ALCAM: variants seen among roughly 807,000 people sequenced by gnomAD.
ALCAM encodes activated leukocyte cell adhesion molecule.
A neutral mutation model predicts 70.9 loss-of-function variants in ALCAM; 30 were observed. The observed-to-expected ratio is 0.42, with a 90% CI of 0.32 to 0.57. The LOEUF (loss-of-function observed/expected upper bound fraction) is 0.57. ALCAM is among the 20% of genes least tolerant of loss of function. ALCAM has a pLI of 0.11. For synonymous variants in ALCAM, 249 were observed against 242.5 expected (o/e 1.03, Z -0.25); for missense variants, 591 against 695.1 (o/e 0.85, Z 1.68).
At chr3:105,551,304 T>A (rs1940399413) in intron 12 of ALCAM, among the ~76,000 whole-genome samples, 1 of 151,636 alleles carries the variant, frequency 6.6e-6, no homozygotes, top group Non-Finnish European at 1.5e-5. Flanking sequence ...GAACCTACCC[T>A]TTCTTCCTGA....
intron 14 of ALCAM, 62 bp downstream of exon 14, chr3:105,552,647 G>T (rs1559654216): frequency 6.2e-7 from 1 of 1,607,904 alleles, no homozygotes; most frequent in Admixed American, 1.7e-5. Context: ...AATACAATGT[G>T]CTAATTTTGC....
chr3:105,489,170 T>C (rs528525751), intron 1 of ALCAM, among the ~76,000 whole-genome samples: 83 of 152,290 alleles, frequency 5.5e-4, no homozygotes, highest in African/African-American at 1.9e-3. Flanking sequence ...AGTTTTCTGT[T>C]GGAGAGTGTT....
At chr3:105,507,633 A>G (rs1406063816) in intron 1 of ALCAM, among the ~76,000 whole-genome samples, 3 of 151,836 alleles carry the variant, frequency 2.0e-5, no homozygotes, top group Admixed American at 1.3e-4. Flanking sequence ...ATAATATTTC[A>G]TTGTCTGGAT....
At chr3:105,539,608 G>A (rs3772551) in intron 6 of ALCAM, among the ~76,000 whole-genome samples, 23,148 of 151,860 alleles carry the variant, frequency 0.15, 1,910 homozygotes, top group Admixed American at 0.27. Flanking sequence ...GCTGATTTTT[G>A]TCCTTCCAAA....
At chr3:105,453,959 A>G (rs775163145) in intron 1 of ALCAM, among the ~76,000 whole-genome samples, 1 of 152,196 alleles carries the variant, frequency 6.6e-6, no homozygotes, top group African/African-American at 2.4e-5. Context: ...TTGTGTCCTC[A>G]GGATACAGCT....
chr3:105,472,324 C>T (rs1559803102), intron 1 of ALCAM, among the ~76,000 whole-genome samples: 1 of 151,426 alleles, frequency 6.6e-6, no homozygotes, highest in Non-Finnish European at 1.5e-5. Context: ...ATTCATTTCC[C>T]TAATTGCTTC....
In ALCAM at chr3:105,534,611, T is replaced by C. The variant is rs1939923023; in HGVS notation, c.548-52T>C. Reference sequence around the variant, plus strand: ...AGGTGTGGTGCTGTTTCGTTAAGGATTGTGATTGTCAGATGAAAGACCCTA... The same window carrying C: ...AGGTGTGGTGCTGTTTCGTTAAGGACTGTGATTGTCAGATGAAAGACCCTA... On this transcript the variant is annotated intron_variant, in intron 5 of 15. Coordinates refer to ENST00000306107, the MANE Select transcript of ALCAM (RefSeq NM_001627.4). 4 of 1,543,926 alleles carry C rather than the reference T, an allele frequency of 2.6e-6. No individual in the cohort carries two copies. The East Asian group carries it at 9.0e-5, about 35-fold the overall frequency.
intron 1 of ALCAM, among the ~76,000 whole-genome samples, chr3:105,441,715 A>C (rs1937174646): frequency 6.6e-6 from 1 of 152,156 alleles, no homozygotes; most frequent in African/African-American, 2.4e-5. Flanking sequence ...CTTCTATAAA[A>C]CATTCTTTTC....
intron 1 of ALCAM, among the ~76,000 whole-genome samples, chr3:105,408,721 GCTTTT>G (rs1936311491): frequency 6.6e-6 from 1 of 152,074 alleles, no homozygotes; most frequent in African/African-American, 2.4e-5. Context: ...AAACTAAAAA[GCTTTT>G]GCACAGCAAA....
At chr3:105,553,500 T>C (rs1331599066) in intron 14 of ALCAM, among the ~76,000 whole-genome samples, 3 of 151,862 alleles carry the variant, frequency 2.0e-5, no homozygotes, top group South Asian at 4.1e-4. Context: ...AATTTTATAT[T>C]ATGTCTGATA....
chr3:105,444,253 G>A (rs1937245580), intron 1 of ALCAM, among the ~76,000 whole-genome samples: 1 of 152,198 alleles, frequency 6.6e-6, no homozygotes, highest in South Asian at 2.1e-4. Context: ...CAAGGGAAGA[G>A]ATTTAATGGA....
intron 14 of ALCAM, among the ~76,000 whole-genome samples, chr3:105,568,056 TTA>T (rs1417407049): frequency 1.5e-3 from 157 of 106,926 alleles, no homozygotes; most frequent in African/African-American, 5.0e-3. Flanking sequence ...TTATTTTATT[TTA>T]TTTTATTTTT....
At position 105,367,316 on chromosome 3, in the gene ALCAM, G is replaced by T. The variant is rs1935084648; in HGVS notation, c.-93G>T. On this transcript the variant is annotated 5_prime_UTR_variant, in exon 1 of 16. Coordinates refer to ENST00000306107, the MANE Select transcript of ALCAM (RefSeq NM_001627.4). Reference sequence around the variant, plus strand: ...GGAGAAGACGCTGCCCCTGCGTCGGGACCCGCCAGCGCGCGGGCACCGCGG... The same window carrying T: ...GGAGAAGACGCTGCCCCTGCGTCGGTACCCGCCAGCGCGCGGGCACCGCGG... The T allele has an allele frequency of 2.2e-5, 30 of 1,337,030 alleles. No individual in the cohort carries two copies. The highest frequency in any genetic ancestry group is 3.2e-5 in the Non-Finnish European group (30 of 947,924). The allele number at this position is 1,337,030 out of a possible 1,614,324, so 82.8% of individuals were successfully genotyped here. A position where few individuals can be genotyped will look rare whatever the true frequency, so the allele number is the denominator to read the frequency against.
intron 9 of ALCAM, 64 bp downstream of exon 9, chr3:105,545,399 C>A: frequency 8.7e-7 from 1 of 1,144,958 alleles, no homozygotes; most frequent in African/African-American, 1.5e-5. Context: ...TTCTTATGCA[C>A]TTTATATTGT....
chr3:105,563,221 C>T (rs1477905480), intron 14 of ALCAM, among the ~76,000 whole-genome samples: 2 of 148,346 alleles, frequency 1.3e-5, no homozygotes, highest in East Asian at 1.9e-4. Context: ...AAAAAAAAGC[C>T]GGTAGAATTT....
chr3:105,513,938 G>C (rs1237764683), intron 1 of ALCAM, among the ~76,000 whole-genome samples: 1 of 151,922 alleles, frequency 6.6e-6, no homozygotes, highest in African/African-American at 2.4e-5. Flanking sequence ...AATTGAGTTT[G>C]CCCAAAGAGA....
intron 1 of ALCAM, among the ~76,000 whole-genome samples, chr3:105,473,516 A>C (rs1403222966): frequency 2.0e-5 from 3 of 151,560 alleles, no homozygotes. Flanking sequence ...AAACCTCTAT[A>C]AATCCAGCTA....
At chr3:105,462,483 C>G (rs1259134393) in intron 1 of ALCAM, among the ~76,000 whole-genome samples, 4 of 151,176 alleles carry the variant, frequency 2.6e-5, no homozygotes, top group Non-Finnish European at 4.4e-5. Context: ...CAGCAAATGC[C>G]TTTATGCTCT....
At chr3:105,541,796 C>T (rs2152629378) in intron 8 of ALCAM, 31 bp downstream of exon 8, 4 of 1,609,998 alleles carry the variant, frequency 2.5e-6, no homozygotes, top group Non-Finnish European at 3.4e-6. Flanking sequence ...TCAGCAGCTT[C>T]ACCTCAAAGG....
Sources: allele counts gnomAD v4.1 joint callset (sites outside exome capture counted in the v4.1 genomes callset), GRCh38; gene constraint gnomAD v4.1.1; transcripts MANE v1.5; gene names NCBI Gene and HGNC (gene_info 2026-07-23, HGNC 2026-07-21).